The following COMT variants were observed in gnomAD, a reference collection of about 807,000 sequenced individuals.
The protein encoded by COMT is catechol-O-methyltransferase.
COMT carries 13 observed loss-of-function variants against 18.9 expected under a neutral mutation model. The ratio of observed to expected loss-of-function variants is 0.69; its 90% CI spans 0.45 to 1.09. The LOEUF is 1.09. Among genes scored for constraint, COMT ranks in the 50% least tolerant of loss-of-function variants. The probability of loss-of-function intolerance (pLI) is 0.00; values close to 1 mark genes in which losing one functional copy is unlikely to be tolerated. For synonymous variants in COMT, 150 were observed against 160.9 expected (o/e 0.93, Z 0.51); for missense variants, 329 against 361.8 (o/e 0.91, Z 0.73).
rs560296967 is a variant in COMT at position 19,968,824 on chromosome 22, G to A, written c.*88G>A. ...GCTCCTGCTGACCTTCTGCGGCTCCGGGCTGTGTCCTAAATGCAAAGCACA... is the reference window on the plus strand; with the variant it reads ...GCTCCTGCTGACCTTCTGCGGCTCCAGGCTGTGTCCTAAATGCAAAGCACA... On this transcript the variant is annotated 3_prime_UTR_variant, in exon 6 of 6. Transcript: ENST00000361682. 36 of 1,312,512 alleles carry A rather than the reference G, an allele frequency of 2.7e-5. No homozygotes were observed. Among genetic ancestry groups the A allele is most frequent in the Non-Finnish European group, 3.4e-5 (32 of 938,406 alleles). 81.3% of individuals were successfully genotyped at this position (1,312,512 alleles called of 1,614,324 possible). A position where few individuals can be genotyped will look rare whatever the true frequency, so the allele number is the denominator to read the frequency against.
chr22:19,943,107 T>C (rs1175510814), intron 1 of COMT, among the ~76,000 whole-genome samples: 2 of 152,298 alleles, frequency 1.3e-5, no homozygotes, highest in East Asian at 1.9e-4. Context: ...CCAGCCTAGA[T>C]AGGCCAGGGT....
chr22:19,957,111 C>A (rs1016688853), intron 1 of COMT, among the ~76,000 whole-genome samples: 1 of 151,976 alleles, frequency 6.6e-6, no homozygotes, highest in African/African-American at 2.4e-5. Flanking sequence ...CCACCACACC[C>A]GGCCAATTTT....
intron 1 of COMT, among the ~76,000 whole-genome samples, chr22:19,944,430 T>C (rs1441957169): frequency 6.6e-6 from 1 of 151,940 alleles, no homozygotes; most frequent in African/African-American, 2.4e-5. Flanking sequence ...CTCAGGAGGC[T>C]GAGGCGGGAT....
Position 19,969,873 on chromosome 22 carries a change from C to G in COMT, c.*1137C>G, listed in dbSNP as rs1490156900. 1.0e-6 allele frequency: 1 copy of G among 985,452 alleles called. No homozygotes were observed. Among genetic ancestry groups the G allele is most frequent in the East Asian group, 1.1e-4 (1 of 8,812 alleles). 61.0% of individuals were successfully genotyped at this position (985,452 alleles called of 1,614,324 possible). A position where few individuals can be genotyped will look rare whatever the true frequency, so the allele number is the denominator to read the frequency against. On this transcript the variant is annotated 3_prime_UTR_variant, in exon 6 of 6. Transcript: ENST00000361682. Reference sequence around the variant, plus strand: ...GGAGAAGCCAGCCACTTGTGCCAGACCTGAGTGGCAGAAAGCAAAAAGTTC... The same window carrying G: ...GGAGAAGCCAGCCACTTGTGCCAGAGCTGAGTGGCAGAAAGCAAAAAGTTC...
At chr22:19,944,087 G>C (rs1941796175) in intron 1 of COMT, among the ~76,000 whole-genome samples, 1 of 152,212 alleles carries the variant, frequency 6.6e-6, no homozygotes, top group African/African-American at 2.4e-5. Context: ...TCCCAATAGG[G>C]ATTTGAGTTC....
intron 1 of COMT, among the ~76,000 whole-genome samples, chr22:19,959,912 C>T (rs1942155698): frequency 6.6e-6 from 1 of 151,914 alleles, no homozygotes; most frequent in South Asian, 2.1e-4. Flanking sequence ...CACAGAGCCG[C>T]GGGCAGGTGG....
intron 1 of COMT, among the ~76,000 whole-genome samples, chr22:19,949,903 G>A (rs1020649604): frequency 2.6e-5 from 4 of 152,148 alleles, no homozygotes; most frequent in African/African-American, 9.7e-5. Flanking sequence ...ATGTTTTTAA[G>A]TGCCAAGTAC....
intron 2 of COMT, 128 bp from the exon 3 acceptor site, chr22:19,962,399 G>T: frequency 1.4e-6 from 2 of 1,479,782 alleles, no homozygotes. Context: ...TGAGGCACAA[G>T]GCTGGCATTT....
intron 5 of COMT, chr22:19,965,432 CTT>C (rs1397938926): frequency 6.6e-6 from 1 of 152,254 alleles, no homozygotes; most frequent in Non-Finnish European, 1.5e-5. Flanking sequence ...ACCTCCACCT[CTT>C]GGGTTCAAGC....
In COMT at chr22:19,963,575, T is replaced by C. The variant is rs753372657; in HGVS notation, c.299T>C (p.Val100Ala). Residue 100 changes from valine (V) to alanine (A), a missense_variant, in exon 4 of 6, where the codon GTG (valine) becomes GCG (alanine). Val to Ala is a moderately conservative substitution (Grantham distance 64). Coordinates refer to ENST00000361682, the MANE Select transcript of COMT (RefSeq NM_000754.4). ...CCCCAACCCTGCACAGGCAAGATCG[T>C]GGACGCCGTGATTCAGGAGCACCAG... ...MNVGDKKGKI[V>A]DAVIQEHQPS... 6.2e-7 allele frequency: 1 copy of C among 1,612,342 alleles called. No individual in the cohort carries two copies. Among genetic ancestry groups the C allele is most frequent in the Non-Finnish European group, 8.5e-7 (1 of 1,179,988 alleles).
chr22:19,943,908 G>T (rs963114824), intron 1 of COMT, among the ~76,000 whole-genome samples: 1 of 150,736 alleles, frequency 6.6e-6, no homozygotes, highest in African/African-American at 2.4e-5. Context: ...TGGAGGGGGG[G>T]TCTTCCTGGG....
At chr22:19,959,744 G>C (rs1438408235) in intron 1 of COMT, among the ~76,000 whole-genome samples, 1 of 152,170 alleles carries the variant, frequency 6.6e-6, no homozygotes, top group East Asian at 1.9e-4. Flanking sequence ...CCCAGGCACT[G>C]CATTGTGGCC....
At chr22:19,967,155 C>T (rs1446437788) in intron 5 of COMT, 3 of 1,301,982 alleles carry the variant, frequency 2.3e-6, no homozygotes, top group Admixed American at 2.3e-5. Flanking sequence ...TCCTGTTTAA[C>T]TCGTGCAGGT....
chr22:19,948,951 T>C lies in COMT; in HGVS notation c.-92+7054T>C, dbSNP rs547715475. Among the ~76,000 whole-genome samples the C allele has an allele frequency of 1.9e-4, 12 of 62,148 alleles. No homozygotes were observed. In the East Asian group the frequency reaches 4.8e-3, roughly 25 times the overall value. The allele number at this position is 62,148 out of a possible 152,430, so 40.8% of individuals were successfully genotyped here. Reference sequence around the variant, plus strand: ...GCCTGGGTAACAGAGCGAGACTCTGTCTCAAAAAAAAAAAAAAAAAAAAAA... The same window carrying C: ...GCCTGGGTAACAGAGCGAGACTCTGCCTCAAAAAAAAAAAAAAAAAAAAAA... On this transcript the variant is annotated intron_variant, in intron 1 of 5. Coordinates refer to ENST00000361682, the MANE Select transcript of COMT (RefSeq NM_000754.4).
At chr22:19,963,143 G>A (rs9332364) in intron 3 of COMT, among the ~76,000 whole-genome samples, 3 of 152,082 alleles carry the variant, frequency 2.0e-5, no homozygotes, top group Admixed American at 6.5e-5. Context: ...CCCGCCTCCC[G>A]CTTGAACTTC....
chr22:19,953,359 C>T (rs1283319923), intron 1 of COMT, among the ~76,000 whole-genome samples: 1 of 152,142 alleles, frequency 6.6e-6, no homozygotes, highest in African/African-American at 2.4e-5. Context: ...GGCACTATCT[C>T]CACTCACTGC....
chr22:19,952,945 C>T (rs924185881), intron 1 of COMT, among the ~76,000 whole-genome samples: 5 of 148,870 alleles, frequency 3.4e-5, no homozygotes, highest in African/African-American at 1.2e-4. Flanking sequence ...AGTGACAGCC[C>T]GTCTCAAAAA....
intron 1 of COMT, among the ~76,000 whole-genome samples, chr22:19,954,701 C>A (rs1942023128): frequency 6.6e-6 from 1 of 152,198 alleles, no homozygotes; most frequent in Admixed American, 6.5e-5. Context: ...GATCCACCCG[C>A]CTCAGCCTCC....
chr22:19,961,648 T>G (rs1395254614), intron 2 of COMT: 4 of 152,238 alleles, frequency 2.6e-5, no homozygotes, highest in African/African-American at 9.7e-5. Flanking sequence ...GACCTCTGAG[T>G]GAGCACAGGG....
Sources: gnomAD v4.1 joint callset for allele counts (sites outside exome capture counted in the v4.1 genomes callset) on GRCh38, gnomAD v4.1.1 for gene constraint, MANE v1.5 for transcripts, NCBI Gene and HGNC (gene_info 2026-07-23, HGNC 2026-07-21) for gene names.